Variants in UPRT observed in about 807,000 individuals in gnomAD.
The protein encoded by UPRT is uracil phosphoribosyltransferase homolog, also known as RP11-311P8.3.
Under a neutral mutation model 22.6 loss-of-function variants are expected in UPRT, and 5 were observed. The ratio of observed to expected loss-of-function variants is 0.22; its 90% CI spans 0.12 to 0.47. The LOEUF (loss-of-function observed/expected upper bound fraction) is 0.47. Ranked by LOEUF, UPRT falls within the 20% of genes least tolerant of loss-of-function variation. The pLI is 0.99. For missense variants in UPRT, 181 were observed against 239.9 expected, an observed-to-expected ratio of 0.75 and a Z score of 1.62; for synonymous variants, 77 against 87.7, an observed-to-expected ratio of 0.88 and a Z score of 0.68.
intron 4 of UPRT, among the ~76,000 whole-genome samples, chrX:75,230,917 A>G (rs1283171041): frequency 8.9e-6 from 1 of 112,291 alleles, no homozygotes; most frequent in South Asian, 3.7e-4. Flanking sequence ...AACCACATCA[A>G]TGAATCACCC....
intron 4 of UPRT, among the ~76,000 whole-genome samples, chrX:75,172,464 A>T (rs901826102): frequency 3.6e-5 from 4 of 111,727 alleles, no homozygotes; most frequent in African/African-American, 1.3e-4. Context: ...GTTTGTTTCC[A>T]GGCAGTGGGT....
At chrX:75,248,350 A>G (rs1319097889) in intron 4 of UPRT, among the ~76,000 whole-genome samples, 2 of 111,999 alleles carry the variant, frequency 1.8e-5, no homozygotes, top group Non-Finnish European at 3.8e-5. Flanking sequence ...TAACCAGTGT[A>G]AAGAAGTCCT....
rs939241448 is a variant in UPRT at position 75,274,110 on chromosome X, C to T, written c.-145C>T. 1.4e-5 allele frequency: 13 copies of T among 896,797 alleles called. No individual in the cohort carries two copies. The highest frequency in any genetic ancestry group is 7.9e-5 in the Admixed American group (2 of 25,398). 73.9% of individuals were successfully genotyped at this position (896,797 alleles called of 1,213,427 possible). On this transcript the variant is annotated 5_prime_UTR_variant, in exon 1 of 7. Transcript: ENST00000373383. ...AAAGTGTGCTAAAGGAAACCAACAG[C>T]GGCCTAGGGGTGAAAGGACAGCCAG...
intron 4 of UPRT, among the ~76,000 whole-genome samples, chrX:75,187,342 A>C (rs781008365): frequency 9.0e-6 from 1 of 111,596 alleles, no homozygotes; most frequent in South Asian, 3.8e-4. Flanking sequence ...AGAATGTTGA[A>C]TATTGGCCCC....
intron 1 of UPRT, among the ~76,000 whole-genome samples, chrX:75,276,011 C>T (rs2082629679): frequency 8.9e-6 from 1 of 111,842 alleles, no homozygotes; most frequent in South Asian, 3.8e-4. Context: ...CATGCCTGGC[C>T]CCCTTAGCTT....
chrX:75,300,602 C>A, intron 5 of UPRT, among the ~76,000 whole-genome samples: 1 of 110,739 alleles, frequency 9.0e-6, no homozygotes, highest in East Asian at 2.8e-4. Context: ...GCCTGGGCAA[C>A]ATATGGAGAA....
Position 75,246,518 on chromosome X carries a change from G to A in UPRT, c.-446-44506G>A, listed in dbSNP as rs183408715. Reference sequence around the variant, plus strand: ...CCAGTCTATCATTGATGGACATTTCGGTTGGTTCCAAGTCTTTGCTATTGT... The same window carrying A: ...CCAGTCTATCATTGATGGACATTTCAGTTGGTTCCAAGTCTTTGCTATTGT... On this transcript the variant is annotated intron_variant, in intron 4 of 13. Transcript: ENST00000652605. Among the ~76,000 whole-genome samples the A allele has an allele frequency of 8.3e-3, 915 of 110,527 alleles. 12 individuals carry two copies. The highest frequency in any genetic ancestry group is 0.028 in the African/African-American group (840 of 30,367).
At chrX:75,303,345 C>T in intron 6 of UPRT, 60 bp from the exon 7 acceptor site, 1 of 923,238 alleles carries the variant, frequency 1.1e-6, no homozygotes, top group Non-Finnish European at 1.5e-6. Flanking sequence ...CTACAAAATT[C>T]CTGAATTACA....
At chrX:75,224,160 T>G (rs1167445471) in intron 4 of UPRT, among the ~76,000 whole-genome samples, 1 of 111,652 alleles carries the variant, frequency 9.0e-6, no homozygotes, top group African/African-American at 3.3e-5. Flanking sequence ...ATATCTCCTT[T>G]ATGTCTCTAA....
At chrX:75,274,055 C>T, upstream of UPRT, 2 of 480,468 alleles carry the variant, frequency 4.2e-6, no homozygotes, top group Non-Finnish European at 6.5e-6. Flanking sequence ...TCTAGGCAGG[C>T]AGTACGTCTG....
chrX:75,229,959 G>A (rs1236312577), intron 4 of UPRT, among the ~76,000 whole-genome samples: 2 of 112,457 alleles, frequency 1.8e-5, no homozygotes, highest in Non-Finnish European at 3.8e-5. Flanking sequence ...CAGGCAGGTG[G>A]TGAGGTGAAG....
At chrX:75,258,681 C>T (rs147747770) in intron 4 of UPRT, among the ~76,000 whole-genome samples, 6 of 111,833 alleles carry the variant, frequency 5.4e-5, no homozygotes, top group South Asian at 3.7e-4. Flanking sequence ...AGGGAAGGGG[C>T]GGCTGTGGGC....
upstream of UPRT, among the ~76,000 whole-genome samples, chrX:75,270,147 T>C (rs1160143178): frequency 1.8e-5 from 2 of 111,846 alleles, no homozygotes; most frequent in East Asian, 2.8e-4. Flanking sequence ...AACGAACATA[T>C]GAAAAAAAGC....
At chrX:75,242,876 C>A (rs1256639145) in intron 4 of UPRT, among the ~76,000 whole-genome samples, 1 of 111,180 alleles carries the variant, frequency 9.0e-6, no homozygotes, top group Non-Finnish European at 1.9e-5. Flanking sequence ...AATGAGATAA[C>A]CTATATAAAA....
At chrX:75,232,076 G>A (rs774553570) in intron 4 of UPRT, among the ~76,000 whole-genome samples, 8 of 111,661 alleles carry the variant, frequency 7.2e-5, no homozygotes, top group African/African-American at 1.3e-4. Flanking sequence ...AGGTCAGTGG[G>A]TGAACTCACC....
chrX:75,278,791 A>C (rs2082641925), intron 1 of UPRT, among the ~76,000 whole-genome samples: 1 of 111,626 alleles, frequency 9.0e-6, no homozygotes, highest in Admixed American at 9.5e-5. Context: ...AGAGTATGTC[A>C]GTATGTGACA....
At chrX:75,225,537 G>T (rs1290177706) in intron 4 of UPRT, among the ~76,000 whole-genome samples, 1 of 111,535 alleles carries the variant, frequency 9.0e-6, no homozygotes, top group Non-Finnish European at 1.9e-5. Flanking sequence ...GGCTGCTGTA[G>T]CCTGGAGTGA....
chrX:75,218,290 G>C lies in UPRT; in HGVS notation c.-447+50411G>C, dbSNP rs1466424636. ...CAGCCAAAAAACACATGAAAAAATG[G>C]TCACCATCACTGGCCATCAGAGAAA... On this transcript the variant is annotated intron_variant, in intron 4 of 13. Transcript: ENST00000652605. Among the ~76,000 whole-genome samples the C allele has an allele frequency of 4.0e-3, 442 of 109,917 alleles. 5 individuals are homozygous for C. The highest frequency in any genetic ancestry group is 0.014 in the African/African-American group (427 of 29,944).
intron 4 of UPRT, among the ~76,000 whole-genome samples, chrX:75,179,599 C>G (rs2082262314): frequency 8.8e-6 from 1 of 113,176 alleles, no homozygotes; most frequent in South Asian, 3.6e-4. Flanking sequence ...TCGGGCCGCA[C>G]AGGAGCCCAT....
Sources: allele counts gnomAD v4.1 joint callset (sites outside exome capture counted in the v4.1 genomes callset), GRCh38; gene constraint gnomAD v4.1.1; transcripts MANE v1.5; gene names NCBI Gene and HGNC (gene_info 2026-07-23, HGNC 2026-07-21).